STS: variants seen among roughly 807,000 people sequenced by gnomAD.
The protein encoded by STS is steroid sulfatase.
STS carries 7 observed loss-of-function variants against 26.8 expected under a neutral mutation model. The ratio of observed to expected loss-of-function variants is 0.26; its 90% CI spans 0.15 to 0.49. STS has a LOEUF of 0.49. Among genes scored for constraint, STS ranks in the 20% least tolerant of loss-of-function variants. The pLI is 0.98. For missense variants in STS, 434 were observed against 465.6 expected (o/e 0.93, Z 0.63); for synonymous variants, 199 against 189.4 (o/e 1.05, Z -0.42).
At chrX:7,186,712 A>C (rs1391545671) in intron 1 of STS, among the ~76,000 whole-genome samples, 5 of 112,350 alleles carry the variant, frequency 4.5e-5, no homozygotes, top group Admixed American at 1.9e-4. Context: ...GCTTAGTAGC[A>C]AGGTGGGCTA....
intron 10 of STS, among the ~76,000 whole-genome samples, chrX:7,338,313 G>A (rs1344545091): frequency 8.9e-6 from 1 of 111,998 alleles, no homozygotes; most frequent in Non-Finnish European, 1.9e-5. Flanking sequence ...ACTGTAGTCT[G>A]TGAGATAAAT....
chrX:7,192,563 C>A (rs868224271), intron 2 of STS, among the ~76,000 whole-genome samples: 37 of 89,354 alleles, frequency 4.1e-4, no homozygotes, highest in South Asian at 1.2e-3. Flanking sequence ...GACTCCATCT[C>A]AAAAAAAAAA....
At chrX:7,166,067 G>T (rs1933344607) in intron 1 of STS, among the ~76,000 whole-genome samples, 1 of 106,599 alleles carries the variant, frequency 9.4e-6, no homozygotes, top group Non-Finnish European at 1.9e-5. Flanking sequence ...TAGTGCAGTG[G>T]CGTGATTACG....
intron 2 of STS, among the ~76,000 whole-genome samples, chrX:7,236,664 A>G (rs1293678146): frequency 8.9e-6 from 1 of 112,028 alleles, no homozygotes. Context: ...TAACTTATTT[A>G]TTAAAGGTTT....
intron 2 of STS, among the ~76,000 whole-genome samples, chrX:7,233,653 G>A (rs1285915072): frequency 9.0e-6 from 1 of 111,543 alleles, no homozygotes; most frequent in African/African-American, 3.3e-5. Flanking sequence ...TATGATCCCT[G>A]AAAAAAGAGC....
chrX:7,230,801 C>A (rs1027940287), intron 2 of STS, among the ~76,000 whole-genome samples: 1 of 111,908 alleles, frequency 8.9e-6, no homozygotes, highest in East Asian at 2.8e-4. Context: ...TCTCCCTCAA[C>A]ACCTGGGGAT....
intron 10 of STS, among the ~76,000 whole-genome samples, chrX:7,336,183 T>G (rs964984686): frequency 9.0e-5 from 10 of 110,768 alleles, no homozygotes; most frequent in African/African-American, 3.3e-4. Context: ...GGAGGTAAAA[T>G]GAAATTCCCC....
intron 1 of STS, among the ~76,000 whole-genome samples, chrX:7,174,409 C>T (rs911881747): frequency 2.7e-5 from 3 of 111,765 alleles, no homozygotes; most frequent in East Asian, 2.8e-4. Context: ...TAACCCATCA[C>T]GCTCACCCTC....
At chrX:7,339,752 T>C (rs962945486) in intron 10 of STS, among the ~76,000 whole-genome samples, 2 of 111,900 alleles carry the variant, frequency 1.8e-5, no homozygotes, top group African/African-American at 6.5e-5. Context: ...ACAGCTTAAC[T>C]TCCCCTAACA....
At chrX:7,156,509 G>A (rs766240446) in intron 1 of STS, among the ~76,000 whole-genome samples, 21 of 111,409 alleles carry the variant, frequency 1.9e-4, no homozygotes, top group African/African-American at 6.2e-4. Flanking sequence ...GTATTAGTGC[G>A]TAAACAATAA....
intron 6 of STS, among the ~76,000 whole-genome samples, chrX:7,260,556 C>G (rs1923691750): frequency 9.0e-6 from 1 of 111,458 alleles, no homozygotes; most frequent in South Asian, 3.8e-4. Context: ...CAGGTGCCTG[C>G]CACCATGCCT....
At chrX:7,158,523 C>T (rs1166090989) in intron 1 of STS, among the ~76,000 whole-genome samples, 1 of 111,782 alleles carries the variant, frequency 8.9e-6, no homozygotes, top group Non-Finnish European at 1.9e-5. Flanking sequence ...CTTCACATGA[C>T]AGGACCAGTG....
intron 2 of STS, among the ~76,000 whole-genome samples, chrX:7,214,953 G>A (rs1490279377): frequency 1.2e-5 from 1 of 82,548 alleles, no homozygotes; most frequent in Non-Finnish European, 2.3e-5. Flanking sequence ...ACATATATAC[G>A]TATATATATA....
chrX:7,342,453 G>A (rs777698175), intron 10 of STS, among the ~76,000 whole-genome samples: 5 of 112,179 alleles, frequency 4.5e-5, no homozygotes, highest in Non-Finnish European at 9.4e-5. Context: ...CCCTTAATAT[G>A]CAAAACCCAA....
intron 2 of STS, among the ~76,000 whole-genome samples, chrX:7,194,971 T>G (rs1410961923): frequency 1.8e-5 from 2 of 111,596 alleles, no homozygotes; most frequent in Non-Finnish European, 1.9e-5. Context: ...CTGCAGGCGG[T>G]TGTAACACAA....
intron 2 of STS, among the ~76,000 whole-genome samples, chrX:7,193,913 A>T (rs775074811): frequency 7.9e-4 from 87 of 110,254 alleles, no homozygotes; most frequent in Non-Finnish European, 1.0e-3. Flanking sequence ...TATTATTATT[A>T]TTTTTTTTGA....
At chrX:7,228,675 G>A (rs1243287931) in intron 2 of STS, among the ~76,000 whole-genome samples, 2 of 112,028 alleles carry the variant, frequency 1.8e-5, no homozygotes, top group African/African-American at 6.5e-5. Context: ...TCCATAGGTT[G>A]CCTTTTCACT....
chrX:7,181,601 C>A (rs1234094616), intron 1 of STS, among the ~76,000 whole-genome samples: 1 of 111,938 alleles, frequency 8.9e-6, no homozygotes, highest in African/African-American at 3.2e-5. Flanking sequence ...GCATCCCCAC[C>A]AGACACCTAT....
chrX:7,298,961 C>T (rs1447032514), intron 7 of STS, among the ~76,000 whole-genome samples: 2 of 94,908 alleles, frequency 2.1e-5, no homozygotes, highest in Non-Finnish European at 4.1e-5. Context: ...AAATAAAACA[C>T]CTATGTTTTA....
Sources: gnomAD v4.1 joint callset for allele counts (sites outside exome capture counted in the v4.1 genomes callset) on GRCh38, gnomAD v4.1.1 for gene constraint, MANE v1.5 for transcripts, NCBI Gene and HGNC (gene_info 2026-07-23, HGNC 2026-07-21) for gene names.